The following BLK variants were observed in gnomAD, a reference collection of about 807,000 sequenced individuals.
The protein encoded by BLK is BLK proto-oncogene, Src family tyrosine kinase, also known as tyrosine-protein kinase Blk.
Under a neutral mutation model 61.8 loss-of-function variants are expected in BLK, and 64 were observed. The observed-to-expected ratio is 1.03, with a 90% CI of 0.85 to 1.27. BLK has a LOEUF of 1.27. Ranked by LOEUF, BLK falls within the 50% of genes most tolerant of loss-of-function variation. The pLI is 0.00. For synonymous variants in BLK, 351 were observed against 272.0 expected (o/e 1.29, Z -2.86); for missense variants, 853 against 660.5 (o/e 1.29, Z -3.19).
intron 3 of BLK, among the ~76,000 whole-genome samples, chr8:11,547,119 C>T (rs1250283179): frequency 6.6e-6 from 1 of 152,222 alleles, no homozygotes; most frequent in Non-Finnish European, 1.5e-5. Context: ...CACACAGAGC[C>T]CAGCTCTGTC....
At chr8:11,551,654 A>G (rs1021310711) in intron 6 of BLK, among the ~76,000 whole-genome samples, 1 of 152,182 alleles carries the variant, frequency 6.6e-6, no homozygotes, top group Non-Finnish European at 1.5e-5. Context: ...TCCAGAGTCA[A>G]GTTAGCCATT....
chr8:11,550,086 G>A, intron 5 of BLK, 73 bp from the exon 6 acceptor site: 1 of 1,332,954 alleles, frequency 7.5e-7, no homozygotes, highest in Non-Finnish European at 1.1e-6. Flanking sequence ...AGGCAGTGCA[G>A]GAGGGAGGCT....
intron 2 of BLK, among the ~76,000 whole-genome samples, chr8:11,545,134 G>A (rs1800569769): frequency 6.6e-6 from 1 of 152,216 alleles, no homozygotes; most frequent in South Asian, 2.1e-4. Flanking sequence ...GTGGCTCCGT[G>A]TTACGCATGT....
At chr8:11,498,446 G>A (rs936017835) in intron 1 of BLK, among the ~76,000 whole-genome samples, 3 of 152,192 alleles carry the variant, frequency 2.0e-5, no homozygotes, top group Middle Eastern at 3.2e-3. Context: ...AAAGGGGTCT[G>A]TGAACCCCAA....
chr8:11,549,833 G>A (rs770616775), intron 5 of BLK, among the ~76,000 whole-genome samples: 3 of 152,240 alleles, frequency 2.0e-5, no homozygotes, highest in Non-Finnish European at 4.4e-5. Context: ...GAGGAGGCAC[G>A]TGCCTGTGAT....
chr8:11,506,746 G>A lies in BLK; in HGVS notation c.-2+12155G>A, dbSNP rs185134970. ...AGGGGGCTGCTAGAATGTCATGTCA[G>A]CCTCTGACCCTGGCCAAGCCCCCTC... On this transcript the variant is annotated intron_variant, in intron 1 of 12. Coordinates refer to ENST00000259089, the MANE Select transcript of BLK (RefSeq NM_001715.3). 1.7e-4 allele frequency among the ~76,000 whole-genome samples: 26 copies of A among 152,258 alleles called. No homozygotes were observed. In the East Asian group the frequency reaches 4.6e-3, roughly 27 times the overall value.
chr8:11,550,551 G>C (rs1284746798), intron 6 of BLK, among the ~76,000 whole-genome samples: 1 of 152,276 alleles, frequency 6.6e-6, no homozygotes, highest in Non-Finnish European at 1.5e-5. Context: ...ACCGAGGCCA[G>C]TGGGGGCCAG....
intron 10 of BLK, chr8:11,560,337 ACATGGATGGATG>A (rs2117593954): frequency 4.8e-6 from 1 of 209,428 alleles, no homozygotes; most frequent in East Asian, 1.4e-4. Context: ...ATGGATGGAT[ACATGGATGGATG>A]CATGGATGTG....
At chr8:11,515,287 C>T (rs1585339094) in intron 1 of BLK, among the ~76,000 whole-genome samples, 1 of 152,130 alleles carries the variant, frequency 6.6e-6, no homozygotes, top group Admixed American at 6.5e-5. Flanking sequence ...TGAGGGACCT[C>T]GAGCAAGCTT....
chr8:11,524,367 C>T (rs1799567312), intron 1 of BLK, among the ~76,000 whole-genome samples: 1 of 151,916 alleles, frequency 6.6e-6, no homozygotes, highest in Non-Finnish European at 1.5e-5. Flanking sequence ...TTTTCCTTTG[C>T]GTAGATGAGA....
At chr8:11,496,740 G>T (rs573073635) in intron 1 of BLK, among the ~76,000 whole-genome samples, 2 of 152,186 alleles carry the variant, frequency 1.3e-5, no homozygotes, top group South Asian at 2.1e-4. Context: ...GCCCCTGGGG[G>T]AGTACAGAAT....
chr8:11,516,295 C>A (rs1336102528), intron 1 of BLK, among the ~76,000 whole-genome samples: 1 of 152,210 alleles, frequency 6.6e-6, no homozygotes. Context: ...AACAGAAAGC[C>A]CGACAGACAC....
intron 1 of BLK, among the ~76,000 whole-genome samples, chr8:11,537,798 A>G (rs1333410686): frequency 5.3e-5 from 8 of 152,240 alleles, no homozygotes; most frequent in Non-Finnish European, 1.2e-4. Context: ...GCCAAGTGCA[A>G]ATAAGGGGTT....
intron 1 of BLK, among the ~76,000 whole-genome samples, chr8:11,495,475 C>A (rs1184464434): frequency 6.6e-6 from 1 of 152,176 alleles, no homozygotes; most frequent in African/African-American, 2.4e-5. Context: ...ACCAAGGGAC[C>A]AAGCTTAGCA....
At chr8:11,542,023 G>C (rs1800400161) in intron 1 of BLK, among the ~76,000 whole-genome samples, 1 of 152,168 alleles carries the variant, frequency 6.6e-6, no homozygotes, top group Non-Finnish European at 1.5e-5. Flanking sequence ...TCGCTTCTGT[G>C]GCTTGCTGTC....
At chr8:11,496,746 A>C (rs1284553597) in intron 1 of BLK, among the ~76,000 whole-genome samples, 1 of 152,224 alleles carries the variant, frequency 6.6e-6, no homozygotes, top group Non-Finnish European at 1.5e-5. Context: ...GGGGGAGTAC[A>C]GAATTCCAGC....
In BLK at chr8:11,538,585, G is replaced by A. The variant is rs138893189; in HGVS notation, c.-1-4639G>A. 9.8e-4 allele frequency among the ~76,000 whole-genome samples: 150 copies of A among 152,346 alleles called. 1 individual carries two copies. The highest frequency in any genetic ancestry group is 5.9e-4 in the Non-Finnish European group (40 of 68,032). On this transcript the variant is annotated intron_variant, in intron 1 of 12. Coordinates refer to ENST00000259089, the MANE Select transcript of BLK (RefSeq NM_001715.3). ...AATTGAACAACCAATGTTCAATTATGTTGTCTCAGTGGACACAGGTGTTTG... is the reference window on the plus strand; with the variant it reads ...AATTGAACAACCAATGTTCAATTATATTGTCTCAGTGGACACAGGTGTTTG...
At chr8:11,545,022 T>TCACATATG (rs1800562815) in intron 2 of BLK, among the ~76,000 whole-genome samples, 1 of 152,198 alleles carries the variant, frequency 6.6e-6, no homozygotes, top group Non-Finnish European at 1.5e-5. Flanking sequence ...TTTAATATTA[T>TCACATATG]CACATATGTA....
chr8:11,549,985 G>T (rs2117495829), intron 5 of BLK, 174 bp from the exon 6 acceptor site: 1 of 677,732 alleles, frequency 1.5e-6, no homozygotes, highest in South Asian at 1.6e-5. Flanking sequence ...AAGGGCAGCG[G>T]GGCAGAGGGC....
Sources: allele counts gnomAD v4.1 joint callset (sites outside exome capture counted in the v4.1 genomes callset), GRCh38; gene constraint gnomAD v4.1.1; transcripts MANE v1.5; gene names NCBI Gene and HGNC (gene_info 2026-07-23, HGNC 2026-07-21).